KCNMA1: variants seen among roughly 807,000 people sequenced by gnomAD.
KCNMA1 encodes potassium calcium-activated channel subfamily M alpha 1.
Under a neutral mutation model 140.0 loss-of-function variants are expected in KCNMA1, and 29 were observed. That is an observed-to-expected ratio of 0.21 (90% CI 0.15 to 0.28). The LOEUF (loss-of-function observed/expected upper bound fraction) is 0.28. Ranked by LOEUF, KCNMA1 falls within the 10% of genes least tolerant of loss-of-function variation. KCNMA1 has a pLI of 1.00. For missense variants in KCNMA1, 880 were observed against 1,602.2 expected, an observed-to-expected ratio of 0.55 and a Z score of 7.70; for synonymous variants, 612 against 611.9, an observed-to-expected ratio of 1.00 and a Z score of 0.00.
intron 1 of KCNMA1, among the ~76,000 whole-genome samples, chr10:77,460,531 GCACA>G (rs59284219): frequency 0.014 from 2,113 of 147,884 alleles, 26 homozygotes; most frequent in Non-Finnish European, 0.022. Context: ...GTACACACGT[GCACA>G]CACACACACA....
chr10:77,506,596 A>AGAGAGAGAGAGAGAGAGAGTGT, intron 1 of KCNMA1, among the ~76,000 whole-genome samples: 1 of 83,532 alleles, frequency 1.2e-5, no homozygotes, highest in African/African-American at 7.5e-5. Context: ...AGAGAGAGAG[A>AGAGAGAGAGAGAGAGAGAGTGT]GTGTGTGTGT....
chr10:77,498,669 G>A (rs1483730459), intron 1 of KCNMA1: 2 of 152,214 alleles, frequency 1.3e-5, no homozygotes, highest in Non-Finnish European at 2.9e-5. Flanking sequence ...TGGGCAATGA[G>A]GTGCACAGCA....
chr10:77,384,711 G>A (rs898873422), intron 2 of KCNMA1, among the ~76,000 whole-genome samples: 6 of 152,196 alleles, frequency 3.9e-5, no homozygotes, highest in Non-Finnish European at 4.4e-5. Flanking sequence ...GTGAATGCTC[G>A]ACTGGACAAA....
chr10:77,516,196 C>G (rs2050359205), intron 1 of KCNMA1, among the ~76,000 whole-genome samples: 2 of 152,008 alleles, frequency 1.3e-5, no homozygotes, highest in African/African-American at 4.8e-5. Flanking sequence ...GCCCACCCCC[C>G]TACTCCGCCC....
chr10:77,464,274 G>A (rs1489084887), intron 1 of KCNMA1, among the ~76,000 whole-genome samples: 1 of 152,092 alleles, frequency 6.6e-6, no homozygotes, highest in African/African-American at 2.4e-5. Context: ...TTCATCTGCA[G>A]GCCTCGGAAG....
Position 77,300,334 on chromosome 10 carries a change from C to A in KCNMA1, c.541-49078G>T, listed in dbSNP as rs922344840. 4.6e-5 allele frequency among the ~76,000 whole-genome samples: 7 copies of A among 152,190 alleles called. 2 individuals are homozygous for A. The highest frequency in any genetic ancestry group is 2.6e-4 in the Admixed American group (4 of 15,284). ...CCCATCACTGACCAGCTCTGGACTA[C>A]CTGTGACTTTGAATAAGCTATTCAA... On this transcript the variant is annotated intron_variant, in intron 2 of 27. Coordinates refer to ENST00000286628, the MANE Select transcript of KCNMA1 (RefSeq NM_001161352.2).
Position 77,079,716 on chromosome 10 carries a change from T to C in KCNMA1, c.1524-166A>G, listed in dbSNP as rs113742583. The stretch of plus-strand genomic sequence containing the variant: ...ATACCAGACAAAATTGAAGACTAGC[T>C]GAAACAGGGATGGGGCAGAAGCAAC... On this transcript the variant is annotated intron_variant, in intron 12 of 27. Coordinates refer to ENST00000286628, the MANE Select transcript of KCNMA1 (RefSeq NM_001161352.2). 4.5e-4 allele frequency: 299 copies of C among 664,132 alleles called. 1 individual carries two copies. In the African/African-American group the frequency reaches 4.6e-3, roughly 10 times the overall value. 41.1% of individuals were successfully genotyped at this position (664,132 alleles called of 1,614,324 possible). A position where few individuals can be genotyped will look rare whatever the true frequency, so the allele number is the denominator to read the frequency against.
chr10:77,495,346 T>A (rs774194070), intron 1 of KCNMA1, among the ~76,000 whole-genome samples: 4 of 152,166 alleles, frequency 2.6e-5, no homozygotes, highest in Non-Finnish European at 4.4e-5. Flanking sequence ...TGACTTGGCC[T>A]GTCTCCCTTC....
At chr10:77,621,734 C>T (rs958698172) in intron 1 of KCNMA1, among the ~76,000 whole-genome samples, 38 of 152,228 alleles carry the variant, frequency 2.5e-4, no homozygotes, top group African/African-American at 9.2e-4. Context: ...TAGAGACCAG[C>T]CTGGGCAACA....
chr10:76,982,233 G>C (rs1376056162), intron 19 of KCNMA1, among the ~76,000 whole-genome samples: 1 of 151,664 alleles, frequency 6.6e-6, no homozygotes. Context: ...TTACATAAAT[G>C]CAACAGTACA....
Position 77,027,848 on chromosome 10 carries a change from A to G in KCNMA1, c.1903T>C (p.Tyr635His). The G allele has an allele frequency of 6.2e-7, 1 of 1,613,950 alleles. No homozygotes were observed. The highest frequency in any genetic ancestry group is 8.5e-7 in the Non-Finnish European group (1 of 1,179,910). The change falls in exon 16 of 28, where the codon TAC becomes CAC. Residue 635 changes from tyrosine (Y) to histidine (H), a missense_variant. Physicochemically the swap from Tyr to His is moderately conservative, Grantham distance 83. This residue lies in a region of KCNMA1 where 196 missense variants were observed against 233.0 expected (regional missense o/e 0.84). Transcript: ENST00000286628. ...CGGCTCTCTCGGTTGGCAGACTTGT[A>G]CTCAATGGCTATCATTAGGAGCTTG... ...KLKLLMIAIEYKSANRESRIL... is the reference protein window; with the variant it reads ...KLKLLMIAIEHKSANRESRIL...
intron 1 of KCNMA1, among the ~76,000 whole-genome samples, chr10:77,451,093 T>C (rs928219937): frequency 6.6e-6 from 1 of 152,150 alleles, no homozygotes; most frequent in African/African-American, 2.4e-5. Flanking sequence ...CTTTGGAAAC[T>C]ACCCAGTCTC....
At chr10:77,223,837 A>C (rs2154193106) in intron 3 of KCNMA1, among the ~76,000 whole-genome samples, 1 of 152,296 alleles carries the variant, frequency 6.6e-6, no homozygotes, top group Admixed American at 6.5e-5. Flanking sequence ...GGTTCACGCA[A>C]GGAATCAAAC....
At chr10:77,452,661 A>G (rs2097685531) in intron 1 of KCNMA1, among the ~76,000 whole-genome samples, 1 of 152,220 alleles carries the variant, frequency 6.6e-6, no homozygotes, top group African/African-American at 2.4e-5. Flanking sequence ...GGCTTCTGCC[A>G]ACCACAGCTG....
chr10:77,177,665 A>G (rs901674692), intron 5 of KCNMA1, among the ~76,000 whole-genome samples: 37 of 152,026 alleles, frequency 2.4e-4, no homozygotes, highest in Non-Finnish European at 7.4e-5. Context: ...TGCTCCACAC[A>G]TACTAGGCTT....
chr10:77,045,223 T>G (rs962385476), intron 14 of KCNMA1, among the ~76,000 whole-genome samples: 1 of 152,128 alleles, frequency 6.6e-6, no homozygotes, highest in Non-Finnish European at 1.5e-5. Context: ...CAGAAAAAAA[T>G]GAAGGAATGG....
At chr10:77,117,862 G>A (rs1365705253) in intron 6 of KCNMA1, among the ~76,000 whole-genome samples, 1 of 152,104 alleles carries the variant, frequency 6.6e-6, no homozygotes, top group East Asian at 1.9e-4. Flanking sequence ...AGTATTCTAG[G>A]CCCCCTATGG....
At chr10:77,342,649 T>C (rs1017801111) in intron 2 of KCNMA1, among the ~76,000 whole-genome samples, 1 of 152,110 alleles carries the variant, frequency 6.6e-6, no homozygotes, top group African/African-American at 2.4e-5. Flanking sequence ...TTACAAAACA[T>C]GAAAGGTGCT....
At chr10:77,008,226 C>A (rs748467982) in intron 18 of KCNMA1, 2 of 1,526,964 alleles carry the variant, frequency 1.3e-6, no homozygotes, top group South Asian at 2.4e-5. Flanking sequence ...GAGTAGGGGC[C>A]GTATTCCAAG....
Sources: gnomAD v4.1 joint callset for allele counts (sites outside exome capture counted in the v4.1 genomes callset) on GRCh38, gnomAD v4.1.1 for gene constraint, gnomAD v4.1.1 regional missense constraint, MANE v1.5 for transcripts, NCBI Gene and HGNC (gene_info 2026-07-23, HGNC 2026-07-21) for gene names.